Variants in ROBO1 observed in about 807,000 individuals in gnomAD.
ROBO1 encodes the protein roundabout homolog 1.
In ROBO1, 149 loss-of-function variants were observed where a neutral mutation model predicts 195.9. The observed-to-expected ratio is 0.76, with a 90% CI of 0.67 to 0.87. ROBO1 has a LOEUF of 0.87. Ranked by LOEUF, ROBO1 falls within the 40% of genes least tolerant of loss-of-function variation. ROBO1 has a pLI of 0.00. For synonymous variants in ROBO1, 816 were observed against 733.2 expected (o/e 1.11, Z -1.82); for missense variants, 1,933 against 2,068.3 (o/e 0.93, Z 1.27).
chr3:79,543,972 T>G (rs1039288765), intron 2 of ROBO1, among the ~76,000 whole-genome samples: 5 of 151,972 alleles, frequency 3.3e-5, no homozygotes, highest in African/African-American at 1.2e-4. Context: ...AAACAAAAAA[T>G]GAGGAATGAT....
chr3:78,737,349 C>G (rs2082415799), intron 5 of ROBO1, among the ~76,000 whole-genome samples: 1 of 152,080 alleles, frequency 6.6e-6, no homozygotes, highest in African/African-American at 2.4e-5. Context: ...TTGGATTTTC[C>G]TTTTCCATCA....
At chr3:79,714,856 G>C (rs576034589) in intron 1 of ROBO1, among the ~76,000 whole-genome samples, 1 of 127,340 alleles carries the variant, frequency 7.9e-6, no homozygotes, top group Non-Finnish European at 1.6e-5. Flanking sequence ...TGTGGGGTGG[G>C]GGGAGGGGGG....
At chr3:78,769,617 G>GTTTTTTTTTTTTTTTTTTTTTTTTTTT (rs1559836189) in intron 4 of ROBO1, among the ~76,000 whole-genome samples, 1 of 72,922 alleles carries the variant, frequency 1.4e-5, no homozygotes, top group African/African-American at 4.6e-5. Flanking sequence ...AGTGTACTTT[G>GTTTTTTTTTTTTTTTTTTTTTTTTTTT]GTTTTTTTTT....
chr3:79,724,780 A>G (rs2107315762), intron 1 of ROBO1, among the ~76,000 whole-genome samples: 1 of 152,334 alleles, frequency 6.6e-6, no homozygotes, highest in Non-Finnish European at 1.5e-5. Flanking sequence ...TGTGAGATAA[A>G]TCAATGTGTT....
intron 10 of ROBO1, among the ~76,000 whole-genome samples, chr3:78,674,156 G>C (rs1335369529): frequency 6.6e-6 from 1 of 152,096 alleles, no homozygotes; most frequent in Non-Finnish European, 1.5e-5. Flanking sequence ...TGATATTATA[G>C]TAAAGAGAAG....
chr3:78,776,881 TGA>T (rs2083523278), intron 4 of ROBO1, among the ~76,000 whole-genome samples: 1 of 152,222 alleles, frequency 6.6e-6, no homozygotes, highest in African/African-American at 2.4e-5. Context: ...TAAAACTTTA[TGA>T]GAGAATTATT....
intron 3 of ROBO1, among the ~76,000 whole-genome samples, chr3:79,037,876 T>A (rs1318076381): frequency 3.3e-5 from 5 of 152,206 alleles, no homozygotes; most frequent in African/African-American, 1.2e-4. Flanking sequence ...TAGTTAGCTA[T>A]CCCTTTGATG....
At chr3:78,747,599 T>G (rs1416582766) in intron 4 of ROBO1, among the ~76,000 whole-genome samples, 1 of 152,174 alleles carries the variant, frequency 6.6e-6, no homozygotes, top group Non-Finnish European at 1.5e-5. Context: ...TTGTGTATAC[T>G]ATCTCATTAA....
chr3:78,632,210 C>T (rs79419455), intron 24 of ROBO1, among the ~76,000 whole-genome samples: 7,122 of 152,160 alleles, frequency 0.047, 207 homozygotes, highest in African/African-American at 0.069. Flanking sequence ...TTTTTTAACC[C>T]TATCCAATCC....
At chr3:78,982,990 C>T (rs1371497662) in intron 3 of ROBO1, among the ~76,000 whole-genome samples, 1 of 151,998 alleles carries the variant, frequency 6.6e-6, no homozygotes, top group Non-Finnish European at 1.5e-5. Context: ...TCACTGCAAC[C>T]TCTGCCACCT....
chr3:79,666,639 T>C (rs1946483172), intron 1 of ROBO1, among the ~76,000 whole-genome samples: 1 of 151,866 alleles, frequency 6.6e-6, no homozygotes, highest in South Asian at 2.1e-4. Flanking sequence ...TCTTTCTTGC[T>C]TGCTGCCATG....
At chr3:78,831,717 T>A (rs162818) in intron 4 of ROBO1, among the ~76,000 whole-genome samples, 1 of 152,002 alleles carries the variant, frequency 6.6e-6, no homozygotes, top group East Asian at 1.9e-4. Flanking sequence ...AAGGAAAGAG[T>A]TTTAATTGAC....
At chr3:78,709,258 C>CAT (rs1359799730) in intron 8 of ROBO1, among the ~76,000 whole-genome samples, 1 of 152,084 alleles carries the variant, frequency 6.6e-6, no homozygotes, top group Non-Finnish European at 1.5e-5. Flanking sequence ...TTGTATTGGT[C>CAT]ATATAATGAA....
chr3:79,573,906 G>T (rs2107757837), intron 2 of ROBO1, among the ~76,000 whole-genome samples: 1 of 152,162 alleles, frequency 6.6e-6, no homozygotes, highest in East Asian at 1.9e-4. Flanking sequence ...AAAACAATAT[G>T]CTATGGAATT....
At chr3:78,833,741 G>GT (rs1461074024) in intron 4 of ROBO1, among the ~76,000 whole-genome samples, 1 of 152,108 alleles carries the variant, frequency 6.6e-6, no homozygotes, top group Non-Finnish European at 1.5e-5. Flanking sequence ...GTAAATAAAG[G>GT]TGGAAATGAC....
intron 2 of ROBO1, among the ~76,000 whole-genome samples, chr3:79,202,150 T>A (rs937759732): frequency 4.6e-5 from 7 of 152,036 alleles, no homozygotes; most frequent in African/African-American, 1.7e-4. Context: ...TAATTAGCTG[T>A]TTCCTTGCCT....
At chr3:79,151,701 A>G (rs1453252855) in intron 2 of ROBO1, among the ~76,000 whole-genome samples, 3 of 151,818 alleles carry the variant, frequency 2.0e-5, no homozygotes, top group Non-Finnish European at 2.9e-5. Context: ...TTTGTCTTAC[A>G]GTACAATTTG....
intron 1 of ROBO1, among the ~76,000 whole-genome samples, chr3:79,730,101 C>A (rs1560138640): frequency 6.6e-6 from 1 of 152,160 alleles, no homozygotes; most frequent in Non-Finnish European, 1.5e-5. Flanking sequence ...TTTGTTTCTT[C>A]ATCTACTAGG....
chr3:79,009,455 G>A (rs932168093), intron 3 of ROBO1, among the ~76,000 whole-genome samples: 2 of 152,108 alleles, frequency 1.3e-5, no homozygotes, highest in Admixed American at 6.6e-5. Context: ...TACATATTTG[G>A]AAATAACTTT....
Sources: allele counts gnomAD v4.1 joint callset (sites outside exome capture counted in the v4.1 genomes callset), GRCh38; gene constraint gnomAD v4.1.1; transcripts MANE v1.5; gene names NCBI Gene and HGNC (gene_info 2026-07-23, HGNC 2026-07-21).